Variants in EPB41L4A observed in about 807,000 individuals in gnomAD.
EPB41L4A encodes band 4.1-like protein 4A.
A neutral mutation model predicts 108.6 loss-of-function variants in EPB41L4A; 100 were observed. The observed-to-expected ratio is 0.92, with a 90% CI of 0.78 to 1.09. The LOEUF is 1.09. Ranked by LOEUF, EPB41L4A falls within the 50% of genes least tolerant of loss-of-function variation. EPB41L4A has a pLI of 0.00. For synonymous variants in EPB41L4A, 319 were observed against 289.0 expected (o/e 1.10, Z -1.05); for missense variants, 1,030 against 842.7 (o/e 1.22, Z -2.75).
intron 17 of EPB41L4A, among the ~76,000 whole-genome samples, chr5:112,191,767 G>C (rs1264423966): frequency 6.6e-6 from 1 of 151,984 alleles, no homozygotes; most frequent in Admixed American, 6.5e-5. Flanking sequence ...AAGTGACTCT[G>C]TCCGGAGTTC....
At chr5:112,184,756 T>C (rs771188943) in intron 17 of EPB41L4A, among the ~76,000 whole-genome samples, 7 of 151,820 alleles carry the variant, frequency 4.6e-5, no homozygotes, top group Non-Finnish European at 8.8e-5. Context: ...GGAATGAAAA[T>C]GAGGAAAAGA....
chr5:112,312,159 C>T (rs1033587792), intron 1 of EPB41L4A, among the ~76,000 whole-genome samples: 11 of 152,122 alleles, frequency 7.2e-5, no homozygotes, highest in Admixed American at 6.6e-4. Flanking sequence ...ATTCTACCCA[C>T]AAAGATTATA....
At chr5:112,230,373 A>G (rs989587548) in intron 12 of EPB41L4A, among the ~76,000 whole-genome samples, 3 of 151,728 alleles carry the variant, frequency 2.0e-5, no homozygotes, top group Admixed American at 2.0e-4. Flanking sequence ...ACTTTTCACC[A>G]TATCCACACC....
exon 14 of EPB41L4A, chr5:112,143,685 G>A: frequency 3.9e-6 from 1 of 255,472 alleles, no homozygotes; most frequent in Non-Finnish European, 8.2e-6. Context: ...TTCTTCTAGT[G>A]CCAGGAACAT....
intron 1 of EPB41L4A, among the ~76,000 whole-genome samples, chr5:112,384,975 C>A (rs1250633713): frequency 6.6e-6 from 1 of 152,222 alleles, no homozygotes; most frequent in Non-Finnish European, 1.5e-5. Flanking sequence ...ACAAGCAATT[C>A]AGGCTCAGAG....
At chr5:112,336,831 T>C (rs1460856567) in intron 1 of EPB41L4A, among the ~76,000 whole-genome samples, 2 of 152,198 alleles carry the variant, frequency 1.3e-5, no homozygotes, top group African/African-American at 4.8e-5. Context: ...TTGGGGTCAA[T>C]TACATGTCTT....
chr5:112,361,745 G>T (rs1758782988), intron 1 of EPB41L4A, among the ~76,000 whole-genome samples: 1 of 151,696 alleles, frequency 6.6e-6, no homozygotes, highest in African/African-American at 2.4e-5. Flanking sequence ...AAACTGACTG[G>T]GTGTGGTGGT....
intron 4 of EPB41L4A, among the ~76,000 whole-genome samples, chr5:112,272,720 G>A (rs938540690): frequency 2.1e-5 from 3 of 140,936 alleles, no homozygotes; most frequent in Non-Finnish European, 3.0e-5. Context: ...GGCAAAGGTT[G>A]CAGTGAGCTG....
In EPB41L4A at chr5:112,194,583, C is replaced by T. The variant is rs375015362; in HGVS notation, c.1487G>A (p.Arg496Gln). The change falls in exon 17 of 23, where the codon CGG becomes CAG. Residue 496 changes from arginine (R) to glutamine (Q), a missense_variant. Coordinates refer to ENST00000261486, the MANE Select transcript of EPB41L4A (RefSeq NM_022140.5). ...SESENSNREY[R>Q]KKRNRIRQEN... ...GAGATATTACCTGTTTCTCTTTTTC[C>T]GGTATTCTCTATTAGAATTTTCTGA... 45 of 1,592,830 alleles carry T rather than the reference C, an allele frequency of 2.8e-5. No homozygotes were observed. The highest frequency in any genetic ancestry group is 6.8e-5 in the African/African-American group (5 of 74,072).
At chr5:112,345,780 T>TACACAC (rs60638685) in intron 1 of EPB41L4A, among the ~76,000 whole-genome samples, 8 of 74,654 alleles carry the variant, frequency 1.1e-4, no homozygotes, top group East Asian at 2.9e-4. Context: ...TATATATATA[T>TACACAC]ACACACACAC....
chr5:112,387,435 G>A (rs1311594241), intron 1 of EPB41L4A, among the ~76,000 whole-genome samples: 1 of 152,134 alleles, frequency 6.6e-6, no homozygotes, highest in Non-Finnish European at 1.5e-5. Flanking sequence ...CACCATCCCG[G>A]CTAACACAGT....
chr5:112,291,469 A>T (rs545917034), intron 2 of EPB41L4A, among the ~76,000 whole-genome samples: 1 of 152,310 alleles, frequency 6.6e-6, no homozygotes, highest in East Asian at 1.9e-4. Context: ...TAACTCCCAT[A>T]GCCCTTGTTA....
intron 12 of EPB41L4A, among the ~76,000 whole-genome samples, chr5:112,156,090 AT>A (rs1236539323): frequency 1.3e-5 from 2 of 152,202 alleles, no homozygotes; most frequent in Admixed American, 1.3e-4. Flanking sequence ...CAGAAAATGT[AT>A]TAATGCAATT....
chr5:112,296,980 T>TATAC (rs974089862), intron 2 of EPB41L4A, among the ~76,000 whole-genome samples: 7 of 135,410 alleles, frequency 5.2e-5, no homozygotes, highest in Non-Finnish European at 7.6e-5. Context: ...CACATACATA[T>TATAC]ATACATACAT....
intron 12 of EPB41L4A, among the ~76,000 whole-genome samples, chr5:112,214,483 G>T (rs1309549867): frequency 6.6e-6 from 1 of 151,574 alleles, no homozygotes; most frequent in Non-Finnish European, 1.5e-5. Context: ...ACAGAGGGCA[G>T]CCGGGCGCGG....
chr5:112,206,909 C>G (rs183301506), intron 13 of EPB41L4A: 9 of 152,266 alleles, frequency 5.9e-5, no homozygotes, highest in African/African-American at 2.2e-4. Flanking sequence ...TATCAAACTA[C>G]CAACATCATT....
At chr5:112,233,204 C>T (rs1749082798) in intron 12 of EPB41L4A, among the ~76,000 whole-genome samples, 1 of 152,140 alleles carries the variant, frequency 6.6e-6, no homozygotes, top group Non-Finnish European at 1.5e-5. Context: ...TACTATGATC[C>T]ATTCATCTAA....
intron 18 of EPB41L4A, among the ~76,000 whole-genome samples, chr5:112,171,845 C>A (rs977269942): frequency 1.3e-5 from 2 of 151,972 alleles, no homozygotes; most frequent in African/African-American, 4.8e-5. Context: ...TAGTAATAGG[C>A]CAAAAGAAAG....
intron 18 of EPB41L4A, among the ~76,000 whole-genome samples, chr5:112,175,045 G>C (rs1760791444): frequency 6.6e-6 from 1 of 151,836 alleles, no homozygotes; most frequent in Admixed American, 6.5e-5. Flanking sequence ...GGTTGGGGGT[G>C]GGGGTTCATG....
Sources: allele counts gnomAD v4.1 joint callset (sites outside exome capture counted in the v4.1 genomes callset), GRCh38; gene constraint gnomAD v4.1.1; transcripts MANE v1.5; gene names NCBI Gene and HGNC (gene_info 2026-07-23, HGNC 2026-07-21).